The following GSK3B variants were observed in gnomAD, a reference collection of about 807,000 sequenced individuals.
GSK3B encodes the protein glycogen synthase kinase 3 beta.
Under a neutral mutation model 56.4 loss-of-function variants are expected in GSK3B, and 15 were observed. The ratio of observed to expected loss-of-function variants is 0.27; its 90% CI spans 0.18 to 0.41. GSK3B has a LOEUF of 0.41. GSK3B is among the 10% of genes least tolerant of loss of function. The probability of loss-of-function intolerance (pLI) is 1.00; values close to 1 mark genes in which losing one functional copy is unlikely to be tolerated. For missense variants in GSK3B, 300 were observed against 513.4 expected (o/e 0.58, Z 4.02); for synonymous variants, 181 against 188.9 (o/e 0.96, Z 0.34).
chr3:120,056,436 T>G (rs1477273957), intron 1 of GSK3B, among the ~76,000 whole-genome samples: 1 of 152,168 alleles, frequency 6.6e-6, no homozygotes, highest in Non-Finnish European at 1.5e-5. Context: ...ACCTTCCAGG[T>G]TCAAGTGATT....
At chr3:120,041,818 T>C (rs73175893) in intron 1 of GSK3B, among the ~76,000 whole-genome samples, 7,181 of 152,254 alleles carry the variant, frequency 0.047, 249 homozygotes, top group Non-Finnish European at 0.075. Flanking sequence ...TATTCAGTAA[T>C]TGATGGAGAC....
At chr3:119,969,712 A>C (rs2057348804) in intron 2 of GSK3B, among the ~76,000 whole-genome samples, 1 of 152,242 alleles carries the variant, frequency 6.6e-6, no homozygotes, top group Non-Finnish European at 1.5e-5. Context: ...ACAAAGGAAC[A>C]AAGCAATTTC....
chr3:120,009,838 T>C (rs1000338320), intron 1 of GSK3B, among the ~76,000 whole-genome samples: 2 of 151,590 alleles, frequency 1.3e-5, no homozygotes, highest in African/African-American at 4.9e-5. Flanking sequence ...TAAAGTATAA[T>C]AATAATTAAA....
chr3:119,823,382 T>C lies in GSK3B; in HGVS notation c.*3406A>G, dbSNP rs2055445073. On this transcript the variant is annotated 3_prime_UTR_variant, in exon 11 of 11. Transcript: ENST00000264235. ...CCTCTATTGGCACGGTGGCACTCCG[T>C]GCAGTAACTGCTAGTAATTGCACTA... 1 of 201,720 alleles carries C rather than the reference T, an allele frequency of 5.0e-6. No homozygotes were observed. Among genetic ancestry groups the C allele is most frequent in the African/African-American group, 2.3e-5 (1 of 43,606 alleles). 12.5% of individuals were successfully genotyped at this position (201,720 alleles called of 1,614,324 possible).
At chr3:119,877,384 T>G (rs917383400) in intron 7 of GSK3B, among the ~76,000 whole-genome samples, 1 of 152,182 alleles carries the variant, frequency 6.6e-6, no homozygotes, top group Admixed American at 6.5e-5. Flanking sequence ...CTCCTATACT[T>G]TAAATCATCT....
chr3:120,025,942 AAT>A (rs766966711), intron 1 of GSK3B, among the ~76,000 whole-genome samples: 1 of 152,218 alleles, frequency 6.6e-6, no homozygotes, highest in Non-Finnish European at 1.5e-5. Flanking sequence ...GGACTGGATA[AAT>A]ATGAAATTTA....
intron 9 of GSK3B, among the ~76,000 whole-genome samples, chr3:119,854,530 CT>C (rs1417009958): frequency 6.6e-6 from 1 of 152,166 alleles, no homozygotes; most frequent in Non-Finnish European, 1.5e-5. Context: ...TAGATTTTGG[CT>C]GTGAATCTGT....
intron 10 of GSK3B, chr3:119,832,872 C>T (rs1196788805): frequency 1.5e-5 from 7 of 479,096 alleles, no homozygotes; most frequent in Non-Finnish European, 1.6e-5. Flanking sequence ...GATTTTTGTC[C>T]TGGAGTAAAT....
intron 2 of GSK3B, among the ~76,000 whole-genome samples, chr3:119,952,340 T>C (rs372219803): frequency 2.0e-5 from 3 of 151,438 alleles, no homozygotes; most frequent in South Asian, 2.1e-4. Context: ...ATACAAAAAT[T>C]AGCCGGGTGT....
chr3:119,956,378 A>T (rs2057215181), intron 2 of GSK3B, among the ~76,000 whole-genome samples: 1 of 152,220 alleles, frequency 6.6e-6, no homozygotes, highest in African/African-American at 2.4e-5. Context: ...TTGCCTATAC[A>T]GGTTGAATAC....
In GSK3B at chr3:119,854,913, A is replaced by G. The variant is rs573342191; in HGVS notation, c.1096+8506T>C. ...TTTTTGAAGGGTTTTTTGCGTCTCTATCTCCTTCAGTTCTGCTCTGACCTT... is the reference window on the plus strand; with the variant it reads ...TTTTTGAAGGGTTTTTTGCGTCTCTGTCTCCTTCAGTTCTGCTCTGACCTT... On this transcript the variant is annotated intron_variant, in intron 9 of 10. Coordinates refer to ENST00000264235, the MANE Select transcript of GSK3B (RefSeq NM_001146156.2). 5.3e-5 allele frequency among the ~76,000 whole-genome samples: 8 copies of G among 152,084 alleles called. No individual in the cohort carries two copies. In the South Asian group the frequency reaches 1.2e-3, roughly 24 times the overall value.
chr3:119,841,169 T>C (rs1184395816), intron 10 of GSK3B, among the ~76,000 whole-genome samples: 3 of 152,246 alleles, frequency 2.0e-5, no homozygotes, highest in African/African-American at 7.2e-5. Flanking sequence ...ATTTTTATGT[T>C]GAAATCTGAT....
At chr3:119,829,503 GGA>G (rs1160874819) in intron 10 of GSK3B, among the ~76,000 whole-genome samples, 3 of 152,202 alleles carry the variant, frequency 2.0e-5, no homozygotes, top group African/African-American at 7.2e-5. Context: ...ATGCCAACAT[GGA>G]GAGAGCAGCT....
rs541054090 is a variant in GSK3B at position 120,013,945 on chromosome 3, G to A, written c.89-11706C>T. Among the ~76,000 whole-genome samples, 19 of 150,546 alleles carry A rather than the reference G, an allele frequency of 1.3e-4. No homozygotes were observed. In the South Asian group the frequency reaches 4.0e-3, roughly 32 times the overall value. ...AGCACTTTGGGAGGCCAAGGTGAGT[G>A]GATCACCTGAGGTCAGGAGTTCGAG... On this transcript the variant is annotated intron_variant, in intron 1 of 10. Transcript: ENST00000264235.
chr3:119,859,128 T>C (rs2056064097), intron 9 of GSK3B, among the ~76,000 whole-genome samples: 1 of 151,448 alleles, frequency 6.6e-6, no homozygotes, highest in Non-Finnish European at 1.5e-5. Context: ...GCATAGCCTG[T>C]TGGAAAAACA....
intron 7 of GSK3B, among the ~76,000 whole-genome samples, chr3:119,899,413 G>A (rs2056603915): frequency 6.6e-6 from 1 of 152,076 alleles, no homozygotes; most frequent in South Asian, 2.1e-4. Flanking sequence ...ACTTCTTAGG[G>A]TTAATATAAT....
chr3:119,961,087 C>T (rs546570529), intron 2 of GSK3B, among the ~76,000 whole-genome samples: 3 of 152,102 alleles, frequency 2.0e-5, no homozygotes, highest in Non-Finnish European at 4.4e-5. Flanking sequence ...TCCCAAGTCA[C>T]GAGCCCCCAC....
chr3:120,032,761 T>C (rs1272583419), intron 1 of GSK3B, among the ~76,000 whole-genome samples: 1 of 152,260 alleles, frequency 6.6e-6, no homozygotes, highest in Non-Finnish European at 1.5e-5. Context: ...TATTCTACTT[T>C]ATAACATCTC....
intron 3 of GSK3B, among the ~76,000 whole-genome samples, chr3:119,928,600 A>C (rs925086828): frequency 8.1e-6 from 1 of 123,280 alleles, no homozygotes; most frequent in Non-Finnish European, 1.6e-5. Context: ...GCGAGACTCC[A>C]TATCAAAAAA....
Sources: allele counts gnomAD v4.1 joint callset (sites outside exome capture counted in the v4.1 genomes callset), GRCh38; gene constraint gnomAD v4.1.1; transcripts MANE v1.5; gene names NCBI Gene and HGNC (gene_info 2026-07-23, HGNC 2026-07-21).